The following NGLY1 variants were observed in gnomAD, a reference collection of about 807,000 sequenced individuals.
NGLY1 encodes the protein peptide-N(4)-(N-acetyl-beta-glucosaminyl)asparagine amidase.
NGLY1 carries 68 observed loss-of-function variants against 84.6 expected under a neutral mutation model. The observed-to-expected ratio is 0.80, with a 90% CI of 0.66 to 0.98. The LOEUF (loss-of-function observed/expected upper bound fraction) is 0.98. Ranked by LOEUF, NGLY1 falls within the 50% of genes least tolerant of loss-of-function variation. NGLY1 has a pLI of 0.00. For synonymous variants in NGLY1, 280 were observed against 275.2 expected (o/e 1.02, Z -0.17); for missense variants, 779 against 770.2 (o/e 1.01, Z -0.14).
chr3:25,774,479 G>A (rs1708058819), intron 2 of NGLY1, among the ~76,000 whole-genome samples: 1 of 152,132 alleles, frequency 6.6e-6, no homozygotes, highest in Non-Finnish European at 1.5e-5. Flanking sequence ...CACTGTGGCG[G>A]ATGGGGGTGT....
Position 25,731,937 on chromosome 3 carries a change from C to T in NGLY1, c.1425+382G>A, listed in dbSNP as rs147009789. ...GTAAGGCAGTGGGGAAAGAAACTCACGCTTGTTTCTACGGTTCCAGTGATC... is the reference window on the plus strand; with the variant it reads ...GTAAGGCAGTGGGGAAAGAAACTCATGCTTGTTTCTACGGTTCCAGTGATC... On this transcript the variant is annotated intron_variant, in intron 9 of 11. Transcript: ENST00000280700. Among the ~76,000 whole-genome samples, 97 of 152,184 alleles carry T rather than the reference C, an allele frequency of 6.4e-4. 1 individual carries two copies. In the East Asian group the frequency reaches 0.018, roughly 28 times the overall value.
At chr3:25,757,063 A>T (rs1707076028) in intron 3 of NGLY1, among the ~76,000 whole-genome samples, 1 of 152,204 alleles carries the variant, frequency 6.6e-6, no homozygotes, top group African/African-American at 2.4e-5. Context: ...ATAGCCAAGG[A>T]TCCTCAAAAC....
intron 8 of NGLY1, 73 bp from the exon 9 acceptor site, chr3:25,732,556 A>G (rs1705596621): frequency 5.8e-6 from 6 of 1,026,058 alleles, no homozygotes; most frequent in Non-Finnish European, 7.0e-6. Context: ...GCAAGAATAT[A>G]CTTAAAACAC....
At chr3:25,783,647 G>T, upstream of NGLY1, 1 of 294,278 alleles carries the variant, frequency 3.4e-6, no homozygotes. The surrounding 1 kb of genome is among the most constrained non-coding windows in gnomAD (Gnocchi z 4.5). Context: ...GCCAGGAGCG[G>T]GGGAGCTCGG....
rs768131676 is a variant in NGLY1, at chr3:25,732,339, G to A, written c.1405C>T (p.Arg469Ter). 11 of 1,613,290 alleles carry A rather than the reference G, an allele frequency of 6.8e-6. No individual in the cohort carries two copies. Among genetic ancestry groups the A allele is most frequent in the East Asian group, 4.5e-5 (2 of 44,864 alleles). ...ISGSVAWRVARGEMGLQRKET... is the reference protein window; with the variant it reads ...ISGSVAWRVA ...AATACCTGTAGACCCATTTCACCTC[G>A]GGCTACTCTCCAAGCCACTGACCCA... Residue 469 changes from arginine (R) to a stop codon, truncating the protein, a stop_gained, in exon 9 of 12, where the codon CGA becomes TGA. Transcript: ENST00000280700. LOFTEE classifies it high-confidence loss of function.
intron 3 of NGLY1, among the ~76,000 whole-genome samples, chr3:25,761,167 A>G (rs1185416849): frequency 2.6e-5 from 4 of 152,232 alleles, no homozygotes; most frequent in Non-Finnish European, 5.9e-5. Context: ...ACAATTTCAT[A>G]TACATACTCA....
At position 25,727,726 on chromosome 3, in the gene NGLY1, A is replaced by G. The variant is rs140661634; in HGVS notation, c.1611+1407T>C. Among the ~76,000 whole-genome samples the G allele has an allele frequency of 4.2e-3, 645 of 152,326 alleles. 4 individuals carry two copies. The highest frequency in any genetic ancestry group is 0.014 in the African/African-American group (599 of 41,578). On this transcript the variant is annotated intron_variant, in intron 10 of 11. Transcript: ENST00000280700. Reference sequence around the variant, plus strand: ...GTACAAGTTTGCTGATGAACAAATGAGTGTATAAGACAAAGAAGAAATACT... The same window carrying G: ...GTACAAGTTTGCTGATGAACAAATGGGTGTATAAGACAAAGAAGAAATACT...
intron 6 of NGLY1, chr3:25,736,965 C>T (rs1705856302): frequency 5.8e-6 from 1 of 171,424 alleles, no homozygotes; most frequent in Non-Finnish European, 1.2e-5. Flanking sequence ...CAAATGTTTC[C>T]AGCATAAAGA....
intron 3 of NGLY1, among the ~76,000 whole-genome samples, chr3:25,763,628 T>C (rs186341081): frequency 1.1e-4 from 16 of 152,348 alleles, no homozygotes; most frequent in Middle Eastern, 3.4e-3. Context: ...GATAATTTCC[T>C]ATCAAATGGA....
In NGLY1 at chr3:25,719,251, TTA is replaced by T; in HGVS notation, c.*207_*208del. The T allele has an allele frequency of 2.5e-6, 1 of 399,002 alleles. No homozygotes were observed. The highest frequency in any genetic ancestry group is 4.5e-6 in the Non-Finnish European group (1 of 222,782). The allele number at this position is 399,002 out of a possible 1,614,324, so 24.7% of individuals were successfully genotyped here. A position where few individuals can be genotyped will look rare whatever the true frequency, so the allele number is the denominator to read the frequency against. ...TGAGTCAACAAGACTTTACTCCAAA[TTA>T]TAGTCACATATGGAAGAAAGGTTTT... On this transcript the variant is annotated 3_prime_UTR_variant, in exon 12 of 12. Coordinates refer to ENST00000280700, the MANE Select transcript of NGLY1 (RefSeq NM_018297.4).
intron 1 of NGLY1, among the ~76,000 whole-genome samples, chr3:25,780,972 A>T (rs1489143516): frequency 6.6e-6 from 1 of 151,880 alleles, no homozygotes; most frequent in African/African-American, 2.4e-5. Context: ...GTTTCTAGTG[A>T]GCATTTTTTT....
intron 3 of NGLY1, among the ~76,000 whole-genome samples, chr3:25,756,252 TTTCTCTCCATTG>T: frequency 6.6e-6 from 1 of 152,334 alleles, no homozygotes; most frequent in East Asian, 1.9e-4. Context: ...CATAGGTTTG[TTTCTCTCCATTG>T]TTCTTAAATG....
chr3:25,746,876 C>CTGCA (rs1706463194), intron 4 of NGLY1, among the ~76,000 whole-genome samples: 1 of 152,174 alleles, frequency 6.6e-6, no homozygotes, highest in Non-Finnish European at 1.5e-5. Flanking sequence ...TTTGCCCAGG[C>CTGCA]TGCAGTGCAG....
At chr3:25,732,553 T>A in intron 8 of NGLY1, 70 bp from the exon 9 acceptor site, 1 of 1,161,120 alleles carries the variant, frequency 8.6e-7, no homozygotes, top group South Asian at 1.7e-5. Flanking sequence ...TAAGCAAGAA[T>A]ATACTTAAAA....
intron 6 of NGLY1, 82 bp from the exon 7 acceptor site, chr3:25,736,231 A>G: frequency 1.1e-5 from 17 of 1,561,874 alleles, no homozygotes; most frequent in Non-Finnish European, 1.5e-5. Context: ...ACAAACTCCT[A>G]AGAATCATAA....
intron 2 of NGLY1, among the ~76,000 whole-genome samples, chr3:25,774,092 A>G (rs180715342): frequency 5.9e-5 from 9 of 152,292 alleles, no homozygotes. Context: ...CTCGAATTCC[A>G]GGTGTGCTGG....
In NGLY1 at chr3:25,737,151, CAA is replaced by C. The variant is rs1705868679; in HGVS notation, c.1003+181_1003+182del. ...ACCAGGCACAGTGCTAGGTGTTTTACAAAACTCTTGTGATCCCTTCAAAAAAC... is the reference window on the plus strand; with the variant it reads ...ACCAGGCACAGTGCTAGGTGTTTTACAACTCTTGTGATCCCTTCAAAAAAC... On this transcript the variant is annotated intron_variant, in intron 6 of 11. Coordinates refer to ENST00000280700, the MANE Select transcript of NGLY1 (RefSeq NM_018297.4). 2.1e-5 allele frequency: 11 copies of C among 515,328 alleles called. No homozygotes were observed. In the Middle Eastern group the frequency reaches 3.0e-3, roughly 139 times the overall value. 31.9% of individuals were successfully genotyped at this position (515,328 alleles called of 1,614,324 possible).
intron 5 of NGLY1, among the ~76,000 whole-genome samples, chr3:25,737,956 C>T (rs1335683305): frequency 1.3e-5 from 2 of 152,078 alleles, no homozygotes; most frequent in South Asian, 2.1e-4. Flanking sequence ...TGTTCACAAT[C>T]CTGAGGAAAG....
chr3:25,738,507 G>A (rs1298802753), intron 5 of NGLY1, among the ~76,000 whole-genome samples: 1 of 152,070 alleles, frequency 6.6e-6, no homozygotes, highest in African/African-American at 2.4e-5. Context: ...CACGTGCTTT[G>A]GAAGGAAAGG....
Sources: gnomAD v4.1 joint callset for allele counts (sites outside exome capture counted in the v4.1 genomes callset) on GRCh38, gnomAD v4.1.1 for gene constraint, Gnocchi (gnomAD v3.1) non-coding constraint, MANE v1.5 for transcripts, NCBI Gene and HGNC (gene_info 2026-07-23, HGNC 2026-07-21) for gene names.